Variants in MGAT4D observed in about 807,000 individuals in gnomAD.
MGAT4D encodes MGAT4 family member D.
Under a neutral mutation model 15.9 loss-of-function variants are expected in MGAT4D, and 34 were observed. That is an observed-to-expected ratio of 2.14 (90% CI 1.62 to 2.84). The LOEUF (loss-of-function observed/expected upper bound fraction) is 2.84, where lower values mean the gene tolerates loss of function less well. MGAT4D is among the 30% of genes most tolerant of loss of function. The pLI is 0.00. For missense variants in MGAT4D, 327 were observed against 140.2 expected (o/e 2.33, Z -6.73); for synonymous variants, 112 against 48.2 (o/e 2.33, Z -5.49).
chr4:140,474,960 A>G lies in MGAT4D; in HGVS notation c.392-14T>C. 3.0e-6 allele frequency: 2 copies of G among 655,842 alleles called. No homozygotes were observed. Among genetic ancestry groups the G allele is most frequent in the East Asian group, 5.6e-5 (2 of 35,410 alleles). 40.6% of individuals were successfully genotyped at this position (655,842 alleles called of 1,614,324 possible). A position where few individuals can be genotyped will look rare whatever the true frequency, so the allele number is the denominator to read the frequency against. Reference sequence around the variant, plus strand: ...GCGCAAAAGAAACTGTGGACATAGGAGTATGAAATCATCATTCCATACCAC... The same window carrying G: ...GCGCAAAAGAAACTGTGGACATAGGGGTATGAAATCATCATTCCATACCAC... On this transcript the variant is annotated splice_polypyrimidine_tract_variant and intron_variant, in intron 3 of 10. Transcript: ENST00000511113.
chr4:140,455,032 G>C (rs1361388519), intron 9 of MGAT4D, among the ~76,000 whole-genome samples: 2 of 151,834 alleles, frequency 1.3e-5, no homozygotes, highest in Non-Finnish European at 2.9e-5. Flanking sequence ...TTACCTTTTG[G>C]TTTTATTGGT....
intron 6 of MGAT4D, 44 bp from the exon 7 acceptor site, chr4:140,462,048 T>C (rs1270971293): frequency 1.5e-6 from 1 of 683,132 alleles, no homozygotes; most frequent in East Asian, 2.7e-5. Context: ...TCATTATTAA[T>C]TTTTATTTAT....
At position 140,471,803 on chromosome 4, in the gene MGAT4D, G is replaced by A. The variant is rs1286058505; in HGVS notation, c.544C>T (p.His182Tyr). Residue 182 changes from histidine to tyrosine, a missense_variant, in exon 5 of 11, where the codon CAT becomes TAT. His to Tyr is a moderately conservative substitution (Grantham distance 83). Coordinates refer to ENST00000511113, the MANE Select transcript of MGAT4D (RefSeq NM_001277353.2). ...TTTGTAATCATTTTAACAACAGAAT[G>A]TAAATAATCTTCATTACTCTAAAAA... Reference protein sequence around the residue: ...LVADSNEDYLHSVVKMITKKF... With the variant: ...LVADSNEDYLYSVVKMITKKF... 4.1e-6 allele frequency: 2 copies of A among 491,770 alleles called. No homozygotes were observed. Among genetic ancestry groups the A allele is most frequent in the Non-Finnish European group, 7.4e-6 (2 of 270,592 alleles). 30.5% of individuals were successfully genotyped at this position (491,770 alleles called of 1,614,324 possible). A position where few individuals can be genotyped will look rare whatever the true frequency, so the allele number is the denominator to read the frequency against.
chr4:140,490,426 C>A (rs1369941162), intron 1 of MGAT4D, among the ~76,000 whole-genome samples: 1 of 152,192 alleles, frequency 6.6e-6, no homozygotes, highest in African/African-American at 2.4e-5. Context: ...AACCTGAACG[C>A]TGGAACTCTT....
At chr4:140,483,644 A>C (rs7660306) in intron 1 of MGAT4D, among the ~76,000 whole-genome samples, 20,684 of 152,154 alleles carry the variant, frequency 0.14, 1,484 homozygotes, top group Admixed American at 0.2. Context: ...TCAAAACAGC[A>C]TGGTACTGGC....
At chr4:140,445,337 AG>A (rs1158515723) in intron 10 of MGAT4D, among the ~76,000 whole-genome samples, 1 of 152,112 alleles carries the variant, frequency 6.6e-6, no homozygotes, top group Admixed American at 6.6e-5. Flanking sequence ...TCTTTTAAAA[AG>A]CATCTGTTTG....
chr4:140,474,732 A>G, intron 4 of MGAT4D, 81 bp downstream of exon 4: 1 of 474,508 alleles, frequency 2.1e-6, no homozygotes, highest in Non-Finnish European at 3.7e-6. Context: ...TCAACATGGT[A>G]CAATGATTAT....
At chr4:140,449,588 T>C (rs1578634463) in intron 10 of MGAT4D, among the ~76,000 whole-genome samples, 1 of 151,982 alleles carries the variant, frequency 6.6e-6, no homozygotes, top group East Asian at 1.9e-4. Flanking sequence ...TGAAACCCCG[T>C]CTCTACTAAA....
Position 140,442,568 on chromosome 4 carries a change from T to C in MGAT4D, c.*868A>G, listed in dbSNP as rs1729844795. ...AATTAGAAAGCCTGATATAAGAGAATTTTGCACCCAATAGATAGGAATACT... is the reference window on the plus strand; with the variant it reads ...AATTAGAAAGCCTGATATAAGAGAACTTTGCACCCAATAGATAGGAATACT... On this transcript the variant is annotated 3_prime_UTR_variant, in exon 11 of 11. Coordinates refer to ENST00000511113, the MANE Select transcript of MGAT4D (RefSeq NM_001277353.2). 6.6e-6 allele frequency: 1 copy of C among 152,030 alleles called. No individual in the cohort carries two copies. The highest frequency in any genetic ancestry group is 2.4e-5 in the African/African-American group (1 of 41,412). The allele number at this position is 152,030 out of a possible 1,614,324, so 9.4% of individuals were successfully genotyped here.
At chr4:140,463,023 G>C (rs986791582) in intron 6 of MGAT4D, among the ~76,000 whole-genome samples, 2 of 152,134 alleles carry the variant, frequency 1.3e-5, no homozygotes, top group African/African-American at 4.8e-5. Context: ...AAGTGTAAGG[G>C]GGGAAAAGTT....
At chr4:140,453,468 T>C (rs1376107682) in intron 9 of MGAT4D, among the ~76,000 whole-genome samples, 1 of 151,980 alleles carries the variant, frequency 6.6e-6, no homozygotes, top group Non-Finnish European at 1.5e-5. Context: ...GTTAAATGTA[T>C]ACACATATAG....
chr4:140,469,229 C>T (rs1731749776), intron 5 of MGAT4D, among the ~76,000 whole-genome samples: 1 of 152,206 alleles, frequency 6.6e-6, no homozygotes, highest in South Asian at 2.1e-4. Context: ...AAATCAGTTT[C>T]CTTCAATAAG....
chr4:140,452,373 A>T (rs1221600948), intron 9 of MGAT4D, among the ~76,000 whole-genome samples: 1 of 152,156 alleles, frequency 6.6e-6, no homozygotes, highest in Non-Finnish European at 1.5e-5. Context: ...AAATATTAAC[A>T]GTTTCTCTTT....
chr4:140,454,558 T>C (rs1184118814), intron 9 of MGAT4D, among the ~76,000 whole-genome samples: 3 of 152,152 alleles, frequency 2.0e-5, no homozygotes, highest in Non-Finnish European at 4.4e-5. Flanking sequence ...TGGCCTTGGT[T>C]TCCCTTTTTG....
At chr4:140,491,572 C>G (rs1005334587) in intron 1 of MGAT4D, among the ~76,000 whole-genome samples, 1 of 151,950 alleles carries the variant, frequency 6.6e-6, no homozygotes. Context: ...ACATAGGAGT[C>G]GGCTGTGGCT....
Position 140,454,614 on chromosome 4 carries a change from G to A in MGAT4D, c.1008+1975C>T, listed in dbSNP as rs530873903. Among the ~76,000 whole-genome samples the A allele has an allele frequency of 5.3e-5, 8 of 152,202 alleles. No individual in the cohort carries two copies. In the South Asian group the frequency reaches 1.7e-3, roughly 32 times the overall value. On this transcript the variant is annotated intron_variant, in intron 9 of 10. Transcript: ENST00000511113. ...CATGTCATGATAATGCCAGCTTCATGAAAAGAATTGGGATGTACCCTTTCC... is the reference window on the plus strand; with the variant it reads ...CATGTCATGATAATGCCAGCTTCATAAAAAGAATTGGGATGTACCCTTTCC...
At chr4:140,497,257 T>C (rs1733896435) in intron 1 of MGAT4D, among the ~76,000 whole-genome samples, 1 of 152,214 alleles carries the variant, frequency 6.6e-6, no homozygotes, top group Admixed American at 6.5e-5. Flanking sequence ...GCTGGGTTCA[T>C]AATTTACAGG....
At chr4:140,485,850 C>CAAAAAAA (rs1578712314) in intron 1 of MGAT4D, among the ~76,000 whole-genome samples, 4 of 41,926 alleles carry the variant, frequency 9.5e-5, no homozygotes, top group Non-Finnish European at 1.7e-4. Context: ...AAAAAAAAAG[C>CAAAAAAA]AATGATGATA....
chr4:140,450,344 G>C (rs760547180), intron 10 of MGAT4D, among the ~76,000 whole-genome samples: 1 of 151,910 alleles, frequency 6.6e-6, no homozygotes, highest in Non-Finnish European at 1.5e-5. Context: ...AAAGAATCCC[G>C]TTATAATAGC....
Sources: allele counts gnomAD v4.1 joint callset (sites outside exome capture counted in the v4.1 genomes callset), GRCh38; gene constraint gnomAD v4.1.1; transcripts MANE v1.5; gene names NCBI Gene and HGNC (gene_info 2026-07-23, HGNC 2026-07-21).